The following CACNA1E variants were observed in gnomAD, a reference collection of about 807,000 sequenced individuals.
CACNA1E encodes the protein calcium voltage-gated channel subunit alpha1 E, also known as voltage-dependent R-type calcium channel subunit alpha-1E.
In CACNA1E, 40 loss-of-function variants were observed where a neutral mutation model predicts 259.2. That is an observed-to-expected ratio of 0.15 (90% CI 0.12 to 0.20). CACNA1E has a LOEUF of 0.20. Ranked by LOEUF, CACNA1E falls within the 10% of genes least tolerant of loss-of-function variation. The pLI, the probability that CACNA1E is intolerant of heterozygous loss-of-function variation, is 1.00. For missense variants in CACNA1E, 1,874 were observed against 3,040.1 expected (o/e 0.62, Z 9.02); for synonymous variants, 1,104 against 1,138.5 (o/e 0.97, Z 0.61).
rs755117584 is a variant in CACNA1E at position 181,579,190 on chromosome 1, C to A, written c.735C>A (p.Gly245=). Reference sequence around the variant, plus strand: ...TCATTGGTTTGGAGTTCTACAGTGGCAAGTTACATCGAGCATGCTTCATGA... The same window carrying A: ...TCATTGGTTTGGAGTTCTACAGTGGAAAGTTACATCGAGCATGCTTCATGA... The part of the protein sequence containing the change: ...FAIIGLEFYS[G]KLHRACFMNN... The change falls in exon 5 of 48, where the codon GGC becomes GGA. Residue 245 remains glycine (G), a synonymous_variant. Transcript: ENST00000367573. The A allele has an allele frequency of 1.9e-6, 3 of 1,613,518 alleles. No homozygotes were observed. The highest frequency in any genetic ancestry group is 2.2e-5 in the East Asian group (1 of 44,884).
At position 181,783,839 on chromosome 1, in the gene CACNA1E, C is replaced by T. The variant is rs1380706344; in HGVS notation, c.5470+55C>T. On this transcript the variant is annotated intron_variant, in intron 40 of 47. Coordinates refer to ENST00000367573, the MANE Select transcript of CACNA1E (RefSeq NM_001205293.3). ...AGGAGGAATTCTGGAACAACTCATG[C>T]AGGTGGCACAGGATGGAGATATTTG... is the stretch of plus-strand genomic sequence containing the variant. The T allele has an allele frequency of 1.1e-5, 12 of 1,105,014 alleles. No individual in the cohort carries two copies. The South Asian group carries it at 1.2e-4, about 11-fold the overall frequency. 68.5% of individuals were successfully genotyped at this position (1,105,014 alleles called of 1,614,324 possible). A position where few individuals can be genotyped will look rare whatever the true frequency, so the allele number is the denominator to read the frequency against.
intron 6 of CACNA1E, among the ~76,000 whole-genome samples, chr1:181,589,592 A>G (rs1301787333): frequency 6.6e-6 from 1 of 152,104 alleles, no homozygotes; most frequent in Non-Finnish European, 1.5e-5. Flanking sequence ...GGTGGCTCAC[A>G]CCTGTAGTCC....
chr1:181,757,893 C>T, intron 30 of CACNA1E, 54 bp from the exon 31 acceptor site: 8 of 1,582,180 alleles, frequency 5.1e-6, no homozygotes, highest in Non-Finnish European at 6.9e-6. Flanking sequence ...CAGAGCCTGC[C>T]ATGGTAGATC....
At chr1:181,543,119 T>C (rs1353471799) in intron 3 of CACNA1E, among the ~76,000 whole-genome samples, 2 of 152,102 alleles carry the variant, frequency 1.3e-5, no homozygotes, top group Admixed American at 6.6e-5. Flanking sequence ...CTCAGACTTA[T>C]GCCTACATCA....
chr1:181,719,717 C>T, intron 12 of CACNA1E, 34 bp from the exon 13 acceptor site: 1 of 1,204,978 alleles, frequency 8.3e-7, no homozygotes. Flanking sequence ...TCCTCTTCCT[C>T]CTCCTCTCAC....
At chr1:181,686,783 G>T (rs1650627147) in intron 7 of CACNA1E, among the ~76,000 whole-genome samples, 1 of 152,182 alleles carries the variant, frequency 6.6e-6, no homozygotes, top group Non-Finnish European at 1.5e-5. Flanking sequence ...CCAAGACATG[G>T]TGGGGATGCT....
At chr1:181,430,248 A>G (rs1170270474) in intron 2 of CACNA1E, among the ~76,000 whole-genome samples, 1 of 152,176 alleles carries the variant, frequency 6.6e-6, no homozygotes, top group Non-Finnish European at 1.5e-5. Context: ...TTTCATGACC[A>G]AAAAAATTAA....
chr1:181,662,232 A>T (rs1647759813), intron 7 of CACNA1E, among the ~76,000 whole-genome samples: 1 of 152,206 alleles, frequency 6.6e-6, no homozygotes, highest in Non-Finnish European at 1.5e-5. Context: ...AGGGTGAGAT[A>T]AAAATTATTT....
At chr1:181,688,986 G>A (rs1650861457) in intron 7 of CACNA1E, among the ~76,000 whole-genome samples, 1 of 151,600 alleles carries the variant, frequency 6.6e-6, no homozygotes, top group South Asian at 2.1e-4. Flanking sequence ...ACAGAATTTT[G>A]ATTTTTTTAA....
At chr1:181,589,038 A>G (rs944430504) in intron 6 of CACNA1E, among the ~76,000 whole-genome samples, 11 of 152,214 alleles carry the variant, frequency 7.2e-5, no homozygotes, top group Non-Finnish European at 1.3e-4. Flanking sequence ...AATTTTTTTC[A>G]TGCCCTTCAG....
At chr1:181,757,859 C>T (rs958423936) in intron 30 of CACNA1E, 88 bp from the exon 31 acceptor site, 15 of 1,422,850 alleles carry the variant, frequency 1.1e-5, no homozygotes, top group South Asian at 7.7e-5. Flanking sequence ...TCCCATTCAC[C>T]GTCCTCCTCT....
At position 181,805,950 on chromosome 1, in the gene CACNA1E, C is replaced by G. The variant is rs1462532475; in HGVS notation, c.*7116C>G. On this transcript the variant is annotated 3_prime_UTR_variant, in exon 48 of 48. Coordinates refer to ENST00000367573, the MANE Select transcript of CACNA1E (RefSeq NM_001205293.3). ...ACTTAGAGATGTGTAACCTTGGATCCTCTTTTTCACTTAGAATATGGGTAA... is the reference window on the plus strand; with the variant it reads ...ACTTAGAGATGTGTAACCTTGGATCGTCTTTTTCACTTAGAATATGGGTAA... 1 of 152,178 alleles carries G rather than the reference C, an allele frequency of 6.6e-6. No individual in the cohort carries two copies. Among genetic ancestry groups the G allele is most frequent in the Non-Finnish European group, 1.5e-5 (1 of 68,040 alleles). The allele number at this position is 152,178 out of a possible 1,614,324, so 9.4% of individuals were successfully genotyped here. A position where few individuals can be genotyped will look rare whatever the true frequency, so the allele number is the denominator to read the frequency against.
chr1:181,710,940 C>A lies in CACNA1E; in HGVS notation c.1056-14C>A, dbSNP rs1454245675. Reference sequence around the variant, plus strand: ...CTGTCCAAACCCAGTGAATCTTATCCTTCTTGTCCACAGGGAATTTGCCAA... The same window carrying A: ...CTGTCCAAACCCAGTGAATCTTATCATTCTTGTCCACAGGGAATTTGCCAA... On this transcript the variant is annotated splice_polypyrimidine_tract_variant and intron_variant, in intron 7 of 47. Transcript: ENST00000367573. 2 of 1,578,184 alleles carry A rather than the reference C, an allele frequency of 1.3e-6. No individual in the cohort carries two copies. The highest frequency in any genetic ancestry group is 2.7e-5 in the African/African-American group (2 of 74,268).
At chr1:181,689,287 C>A (rs1315055485) in intron 7 of CACNA1E, among the ~76,000 whole-genome samples, 1 of 152,166 alleles carries the variant, frequency 6.6e-6, no homozygotes, top group Admixed American at 6.5e-5. Context: ...CAGCTTCATC[C>A]ATGTCCCTGC....
chr1:181,793,041 C>T (rs1479944823), intron 44 of CACNA1E, among the ~76,000 whole-genome samples: 2 of 152,188 alleles, frequency 1.3e-5, no homozygotes, highest in Admixed American at 1.3e-4. Flanking sequence ...TTAAATTTCA[C>T]CTTTTACAAC....
chr1:181,519,113 A>G (rs1666810474), intron 3 of CACNA1E, among the ~76,000 whole-genome samples: 1 of 152,162 alleles, frequency 6.6e-6, no homozygotes, highest in Non-Finnish European at 1.5e-5. Flanking sequence ...TGTATGTGGA[A>G]GAGGGAGGTG....
chr1:181,412,432 T>C (rs1174351667), intron 1 of CACNA1E, among the ~76,000 whole-genome samples: 1 of 151,914 alleles, frequency 6.6e-6, no homozygotes, highest in Admixed American at 6.6e-5. Flanking sequence ...TTGCTGGATG[T>C]GGTGGTGTGT....
intron 7 of CACNA1E, among the ~76,000 whole-genome samples, chr1:181,708,034 C>T (rs1306885302): frequency 6.6e-6 from 1 of 152,102 alleles, no homozygotes; most frequent in East Asian, 1.9e-4. Flanking sequence ...TCAGCCTGGC[C>T]TTGAAGAAGG....
At chr1:181,610,270 T>G (rs1300451474) in intron 6 of CACNA1E, among the ~76,000 whole-genome samples, 1 of 152,198 alleles carries the variant, frequency 6.6e-6, no homozygotes, top group Non-Finnish European at 1.5e-5. Context: ...TAGATAATTT[T>G]TCCAGCCATT....
Sources: gnomAD v4.1 joint callset for allele counts (sites outside exome capture counted in the v4.1 genomes callset) on GRCh38, gnomAD v4.1.1 for gene constraint, MANE v1.5 for transcripts, NCBI Gene and HGNC (gene_info 2026-07-23, HGNC 2026-07-21) for gene names.